NBEA: variants seen among roughly 807,000 people sequenced by gnomAD.
NBEA encodes the protein neurobeachin.
NBEA carries 44 observed loss-of-function variants against 343.4 expected under a neutral mutation model. The ratio of observed to expected loss-of-function variants is 0.13; its 90% CI spans 0.10 to 0.16. The LOEUF is 0.16. Among genes scored for constraint, NBEA ranks in the 10% least tolerant of loss-of-function variants. The pLI, the probability that NBEA is intolerant of heterozygous loss-of-function variation, is 1.00. For missense variants in NBEA, 2,555 were observed against 3,631.3 expected (o/e 0.70, Z 7.62); for synonymous variants, 1,175 against 1,238.7 (o/e 0.95, Z 1.08).
intron 13 of NBEA, among the ~76,000 whole-genome samples, chr13:35,116,927 T>C (rs2066523244): frequency 5.3e-5 from 8 of 152,046 alleles, no homozygotes. Flanking sequence ...ATTTTCTGTA[T>C]ACAAGTGACA....
At chr13:35,319,052 C>A (rs993549502) in intron 36 of NBEA, among the ~76,000 whole-genome samples, 1 of 152,104 alleles carries the variant, frequency 6.6e-6, no homozygotes, top group Non-Finnish European at 1.5e-5. Flanking sequence ...CAAAAACCAG[C>A]TCCTGGATTC....
At chr13:35,052,446 T>A (rs2063097777) in intron 6 of NBEA, among the ~76,000 whole-genome samples, 1 of 152,032 alleles carries the variant, frequency 6.6e-6, no homozygotes, top group African/African-American at 2.4e-5. Context: ...TTTCAATTTA[T>A]TTTCATATCT....
At chr13:34,990,794 T>A (rs530443409) in intron 1 of NBEA, among the ~76,000 whole-genome samples, 2 of 152,376 alleles carry the variant, frequency 1.3e-5, no homozygotes, top group Non-Finnish European at 2.9e-5. Context: ...TGTTTCCTTT[T>A]TAAGTATAAG....
intron 53 of NBEA, among the ~76,000 whole-genome samples, chr13:35,653,694 G>A (rs2084671921): frequency 6.6e-6 from 1 of 152,104 alleles, no homozygotes; most frequent in South Asian, 2.1e-4. Context: ...AGATACAGAC[G>A]TTTCAATTAG....
At chr13:35,665,713 G>A (rs988481097) in intron 56 of NBEA, among the ~76,000 whole-genome samples, 8 of 152,084 alleles carry the variant, frequency 5.3e-5, no homozygotes, top group African/African-American at 7.2e-5. Flanking sequence ...TGCAACTTCC[G>A]CCTCCTGGGT....
Position 35,385,809 on chromosome 13 carries a change from A to G in NBEA, c.6179+33486A>G, listed in dbSNP as rs918965251. On this transcript the variant is annotated intron_variant, in intron 38 of 58. Coordinates refer to ENST00000379939, the MANE Select transcript of NBEA (RefSeq NM_001385012.1). ...TCTCTATTGCTGTTCTCTGTTTCATACTGACTGAACAGGGATTGGCTTTAT... is the reference window on the plus strand; with the variant it reads ...TCTCTATTGCTGTTCTCTGTTTCATGCTGACTGAACAGGGATTGGCTTTAT... 7.9e-5 allele frequency among the ~76,000 whole-genome samples: 12 copies of G among 152,310 alleles called. No individual in the cohort carries two copies. In the Middle Eastern group the frequency reaches 0.01, roughly 130 times the overall value.
chr13:35,568,793 C>G (rs1034656208), intron 45 of NBEA, among the ~76,000 whole-genome samples: 1 of 152,152 alleles, frequency 6.6e-6, no homozygotes, highest in African/African-American at 2.4e-5. Flanking sequence ...AGCATCACAT[C>G]AGTGCTTAAA....
At chr13:35,148,855 G>A (rs1316331327) in intron 18 of NBEA, among the ~76,000 whole-genome samples, 1 of 152,132 alleles carries the variant, frequency 6.6e-6, no homozygotes, top group Non-Finnish European at 1.5e-5. Flanking sequence ...GCCATAGACA[G>A]TATGAACCAG....
At chr13:34,977,390 C>A (rs2060216260) in intron 1 of NBEA, among the ~76,000 whole-genome samples, 1 of 151,680 alleles carries the variant, frequency 6.6e-6, no homozygotes, top group Non-Finnish European at 1.5e-5. Flanking sequence ...CTCACTGCAA[C>A]CCCTGTCTCC....
At chr13:34,992,219 T>TAG (rs1491329623) in intron 1 of NBEA, among the ~76,000 whole-genome samples, 1 of 112,066 alleles carries the variant, frequency 8.9e-6, no homozygotes, top group Non-Finnish European at 2.0e-5. Context: ...TGTGTGTGTG[T>TAG]ATATGTGTGT....
chr13:35,246,948 C>G (rs2031291605), intron 34 of NBEA, among the ~76,000 whole-genome samples: 1 of 152,148 alleles, frequency 6.6e-6, no homozygotes, highest in East Asian at 1.9e-4. Flanking sequence ...TCAGACTCTC[C>G]TTGAGCTGGG....
chr13:35,346,740 C>T (rs940264726), intron 36 of NBEA, among the ~76,000 whole-genome samples: 3 of 152,184 alleles, frequency 2.0e-5, no homozygotes, highest in South Asian at 2.1e-4. Flanking sequence ...TTACTGGTGC[C>T]GCTGTCATAT....
At chr13:35,498,220 C>T (rs2076755709) in intron 41 of NBEA, among the ~76,000 whole-genome samples, 2 of 151,986 alleles carry the variant, frequency 1.3e-5, no homozygotes, top group South Asian at 4.1e-4. Context: ...TAAAGAAAGT[C>T]CTCTCTGTGT....
chr13:35,354,911 T>A (rs2040406873), intron 38 of NBEA, among the ~76,000 whole-genome samples: 1 of 152,186 alleles, frequency 6.6e-6, no homozygotes, highest in East Asian at 1.9e-4. Context: ...TAGCTGATAG[T>A]CACCTCACAC....
chr13:35,493,603 CTT>C (rs1691265128), intron 41 of NBEA, among the ~76,000 whole-genome samples: 1 of 152,052 alleles, frequency 6.6e-6, no homozygotes, highest in South Asian at 2.1e-4. Flanking sequence ...TATCATATAA[CTT>C]TCTTTAGTTT....
At chr13:35,284,102 A>G (rs2035256867) in intron 34 of NBEA, among the ~76,000 whole-genome samples, 1 of 152,060 alleles carries the variant, frequency 6.6e-6, no homozygotes, top group South Asian at 2.1e-4. Flanking sequence ...TGTATTGTCT[A>G]TGGCTACCTT....
intron 52 of NBEA, among the ~76,000 whole-genome samples, 195 bp downstream of exon 52, chr13:35,650,042 T>C (rs1179226395): frequency 2.0e-5 from 3 of 152,244 alleles, no homozygotes; most frequent in Non-Finnish European, 4.4e-5. Context: ...TAGTGCCTCA[T>C]AGGATGCTTG....
At chr13:35,351,038 A>T (rs924063104) in intron 37 of NBEA, among the ~76,000 whole-genome samples, 2 of 151,944 alleles carry the variant, frequency 1.3e-5, no homozygotes, top group African/African-American at 4.8e-5. Flanking sequence ...CGTTGTACTA[A>T]TTGGTGATTC....
At chr13:35,485,776 A>T (rs2076284820) in intron 41 of NBEA, among the ~76,000 whole-genome samples, 1 of 152,122 alleles carries the variant, frequency 6.6e-6, no homozygotes, top group Non-Finnish European at 1.5e-5. Flanking sequence ...GTCAGAATGA[A>T]ATGATCAGCT....
Sources: allele counts gnomAD v4.1 joint callset (sites outside exome capture counted in the v4.1 genomes callset), GRCh38; gene constraint gnomAD v4.1.1; transcripts MANE v1.5; gene names NCBI Gene and HGNC (gene_info 2026-07-23, HGNC 2026-07-21).